CDKL3: variants seen among roughly 807,000 people sequenced by gnomAD.
CDKL3 encodes the protein cyclin dependent kinase like 3.
A neutral mutation model predicts 69.3 loss-of-function variants in CDKL3; 65 were observed. The ratio of observed to expected loss-of-function variants is 0.94; its 90% confidence interval spans 0.77 to 1.15. CDKL3 has a LOEUF of 1.15. CDKL3 is among the 50% of genes most tolerant of loss of function. The pLI, the probability that CDKL3 is intolerant of heterozygous loss-of-function variation, is 0.00. For missense variants in CDKL3, 652 were observed against 689.2 expected, an observed-to-expected ratio of 0.95 and a Z score of 0.61; for synonymous variants, 202 against 221.6, an observed-to-expected ratio of 0.91 and a Z score of 0.79.
intron 9 of CDKL3, among the ~76,000 whole-genome samples, chr5:134,307,303 T>C (rs1034370973): frequency 1.3e-5 from 2 of 152,210 alleles, no homozygotes; most frequent in Non-Finnish European, 2.9e-5. Context: ...AACTATCAGC[T>C]TTCTCAATTT....
chr5:134,351,760 T>C (rs992468185), intron 3 of CDKL3, among the ~76,000 whole-genome samples: 1 of 152,136 alleles, frequency 6.6e-6, no homozygotes, highest in African/African-American at 2.4e-5. Context: ...ACACCCGGCC[T>C]GAATTATTTT....
At chr5:134,285,420 G>A (rs1764821245), downstream of CDKL3, among the ~76,000 whole-genome samples, 1 of 152,236 alleles carries the variant, frequency 6.6e-6, no homozygotes, top group African/African-American at 2.4e-5. Context: ...AAGCTGCCAA[G>A]GCTTGGGGCT....
intron 4 of CDKL3, 81 bp from the exon 5 acceptor site, chr5:134,321,984 G>T (rs1772918652): frequency 2.6e-6 from 2 of 773,698 alleles, no homozygotes; most frequent in Admixed American, 2.9e-5. Context: ...TTTAAAGAAG[G>T]CCAAGGCTAA....
intron 2 of CDKL3, among the ~76,000 whole-genome samples, chr5:134,365,929 C>A (rs1172811907): frequency 6.6e-6 from 1 of 152,184 alleles, no homozygotes; most frequent in Non-Finnish European, 1.5e-5. Context: ...AAAAACTTTC[C>A]CTACCAGGGA....
At chr5:134,310,669 T>G (rs190047223) in intron 7 of CDKL3, among the ~76,000 whole-genome samples, 26 of 152,102 alleles carry the variant, frequency 1.7e-4, no homozygotes, top group African/African-American at 6.0e-4. Context: ...GCATTTTCAG[T>G]AGAGATGGGG....
chr5:134,312,860 T>C (rs1769949714), intron 6 of CDKL3, among the ~76,000 whole-genome samples: 1 of 152,190 alleles, frequency 6.6e-6, no homozygotes, highest in Admixed American at 6.5e-5. Flanking sequence ...CAATAACCCA[T>C]TATTAAATCA....
downstream of CDKL3, among the ~76,000 whole-genome samples, chr5:134,283,355 A>G (rs1009310417): frequency 7.2e-5 from 11 of 152,198 alleles, no homozygotes; most frequent in African/African-American, 2.7e-4. Flanking sequence ...TTTACAAAAG[A>G]AAGAGGTTTA....
chr5:134,337,671 G>A (rs533176768), intron 4 of CDKL3, among the ~76,000 whole-genome samples: 31 of 152,260 alleles, frequency 2.0e-4, no homozygotes, highest in South Asian at 1.5e-3. Flanking sequence ...AACACTGCAA[G>A]ACCTTGTTTC....
In CDKL3 at chr5:134,308,439, C is replaced by G. The variant is rs767464149; in HGVS notation, c.1063G>C (p.Glu355Gln). The G allele has an allele frequency of 6.2e-7, 1 of 1,605,662 alleles. No homozygotes were observed. The highest frequency in any genetic ancestry group is 1.1e-5 in the South Asian group (1 of 89,280). ...KEIEKEKKPKEIKVRVIKVKG... is the reference protein window; with the variant it reads ...KEIEKEKKPKQIKVRVIKVKG... ...ACTTTAATAACTCTGACTTTGATCT[C>G]CTTGGGCTTTTTCTCTTTTTCTATT... The change falls in exon 9 of 13, where the codon GAG becomes CAG. Residue 355 changes from glutamate (E) to glutamine (Q), a missense_variant. By Grantham distance (29) the Glu-to-Gln change is conservative. Transcript: ENST00000265334.
At chr5:134,327,384 C>T (rs1044016175) in intron 4 of CDKL3, among the ~76,000 whole-genome samples, 4 of 152,140 alleles carry the variant, frequency 2.6e-5, no homozygotes, top group African/African-American at 4.8e-5. Context: ...GAGAAAATTG[C>T]CATGAATTCA....
chr5:134,285,132 C>T (rs547758872), downstream of CDKL3, among the ~76,000 whole-genome samples: 1 of 152,334 alleles, frequency 6.6e-6, no homozygotes, highest in South Asian at 2.1e-4. Flanking sequence ...CCCTGACTTC[C>T]CGTAACAAGT....
At position 134,308,317 on chromosome 5, in the gene CDKL3, A is replaced by G; in HGVS notation, c.1185T>C (p.Ser395=). The stretch of plus-strand genomic sequence containing the variant: ...CAATGGTTACAAGTTTTGTATCTGG[A>G]GACATAGGATGAACATTTTCATTTG... ...QDANENVHPM[S]PDTKLVTIEP... is the part of the protein sequence containing the mutation. The change falls in exon 9 of 13, where the codon TCT becomes TCC. Residue 395 remains serine (S), a synonymous_variant. Coordinates refer to ENST00000265334, the MANE Select transcript of CDKL3 (RefSeq NM_001113575.2). 2 of 1,613,956 alleles carry G rather than the reference A, an allele frequency of 1.2e-6. No individual in the cohort carries two copies. The highest frequency in any genetic ancestry group is 1.7e-6 in the Non-Finnish European group (2 of 1,179,864).
intron 4 of CDKL3, among the ~76,000 whole-genome samples, chr5:134,331,569 G>A: frequency 6.6e-6 from 1 of 152,048 alleles, no homozygotes; most frequent in East Asian, 1.9e-4. Context: ...TTCTGTCCTT[G>A]TGATATTTTG....
At chr5:134,364,103 A>G (rs541685266) in intron 2 of CDKL3, among the ~76,000 whole-genome samples, 2 of 152,314 alleles carry the variant, frequency 1.3e-5, no homozygotes, top group South Asian at 2.1e-4. Flanking sequence ...CAGCTATACT[A>G]TATCGTCAAG....
rs541076081 is a variant in CDKL3, at chr5:134,335,453, G to C, written c.540-13550C>G. Among the ~76,000 whole-genome samples the C allele has an allele frequency of 3.9e-5, 6 of 152,214 alleles. No individual in the cohort carries two copies. The South Asian group carries it at 1.0e-3, about 26-fold the overall frequency. On this transcript the variant is annotated intron_variant, in intron 4 of 12. Coordinates refer to ENST00000265334, the MANE Select transcript of CDKL3 (RefSeq NM_001113575.2). The stretch of plus-strand genomic sequence containing the variant: ...TACAATTTGGCATGTTTTTGCAGTG[G>C]CTGGTACCATTTGTTCCTTTCCATG...
At chr5:134,345,131 G>T (rs1030869931) in intron 4 of CDKL3, among the ~76,000 whole-genome samples, 1 of 152,058 alleles carries the variant, frequency 6.6e-6, no homozygotes, top group African/African-American at 2.4e-5. Context: ...TAGGGTTAGG[G>T]AGGGAGTTCA....
chr5:134,288,464 C>A (rs947924664), intron 8 of CDKL3, among the ~76,000 whole-genome samples: 3 of 152,134 alleles, frequency 2.0e-5, no homozygotes, highest in Admixed American at 2.0e-4. Context: ...TAATGAAACA[C>A]TTTATGCCTG....
Position 134,302,689 on chromosome 5 carries a change from T to A in CDKL3, c.1622-2A>T. 6.5e-7 allele frequency: 1 copy of A among 1,527,800 alleles called. No homozygotes were observed. Among genetic ancestry groups the A allele is most frequent in the South Asian group, 1.2e-5 (1 of 83,140 alleles). 94.6% of individuals were successfully genotyped at this position (1,527,800 alleles called of 1,614,324 possible). On this transcript the variant is annotated splice_acceptor_variant, in intron 11 of 12. Transcript: ENST00000265334. LOFTEE classifies it high-confidence loss of function. ...TCTTCAGCATTTTTATCTGTTTAACTTTTGCAAAAATATACAAAACAATGA... is the reference window on the plus strand; with the variant it reads ...TCTTCAGCATTTTTATCTGTTTAACATTTGCAAAAATATACAAAACAATGA...
chr5:134,323,487 C>A (rs961065046), intron 4 of CDKL3, among the ~76,000 whole-genome samples: 4 of 152,014 alleles, frequency 2.6e-5, no homozygotes, highest in Non-Finnish European at 5.9e-5. Flanking sequence ...ATACAACAAG[C>A]AAGATAGTAT....
Sources: gnomAD v4.1 joint callset for allele counts (sites outside exome capture counted in the v4.1 genomes callset) on GRCh38, gnomAD v4.1.1 for gene constraint, MANE v1.5 for transcripts, NCBI Gene and HGNC (gene_info 2026-07-23, HGNC 2026-07-21) for gene names.